The following CDKL4 variants were observed in gnomAD, a reference collection of about 807,000 sequenced individuals.
The protein encoded by CDKL4 is cyclin dependent kinase like 4, also known as cyclin-dependent kinase-like 4.
A neutral mutation model predicts 42.0 loss-of-function variants in CDKL4; 44 were observed. That is an observed-to-expected ratio of 1.05 (90% confidence interval 0.82 to 1.35). The LOEUF (loss-of-function observed/expected upper bound fraction) is 1.35. Ranked by LOEUF, CDKL4 falls within the 40% of genes most tolerant of loss-of-function variation. CDKL4 has a pLI of 0.00. For missense variants in CDKL4, 393 were observed against 369.9 expected, an observed-to-expected ratio of 1.06 and a Z score of -0.51; for synonymous variants, 120 against 121.6, an observed-to-expected ratio of 0.99 and a Z score of 0.09.
Position 39,180,096 on chromosome 2 carries a change from A to G in CDKL4, c.793-775T>C, listed in dbSNP as rs1008318261. ...GGACTTTGCCCATCAATAAACACAG[A>G]TTATGATCCATAAAGAGCAGCTTTA... On this transcript the variant is annotated intron_variant, in intron 8 of 9. Transcript: ENST00000451199. Among the ~76,000 whole-genome samples the G allele has an allele frequency of 6.6e-5, 10 of 152,134 alleles. No individual in the cohort carries two copies. The East Asian group carries it at 1.5e-3, about 23-fold the overall frequency.
intron 1 of CDKL4, among the ~76,000 whole-genome samples, chr2:39,232,133 G>A (rs980477115): frequency 1.3e-5 from 2 of 151,966 alleles, no homozygotes; most frequent in Non-Finnish European, 2.9e-5. Flanking sequence ...ATTCAGTAAC[G>A]ACTGATTCCT....
chr2:39,235,846 G>A (rs1679340657), intron 1 of CDKL4, among the ~76,000 whole-genome samples: 1 of 151,104 alleles, frequency 6.6e-6, no homozygotes, highest in South Asian at 2.1e-4. Flanking sequence ...AAAATTAGGA[G>A]ATAAAACTGG....
At chr2:39,190,277 C>A (rs1242012465) in intron 6 of CDKL4, 28 bp downstream of exon 6, 5 of 1,556,844 alleles carry the variant, frequency 3.2e-6, no homozygotes, top group Non-Finnish European at 4.4e-6. Flanking sequence ...AATTCAGCAA[C>A]TCTGTTGCCA....
chr2:39,177,766 T>A (rs1233484067), intron 9 of CDKL4, among the ~76,000 whole-genome samples: 1 of 150,804 alleles, frequency 6.6e-6, no homozygotes, highest in African/African-American at 2.4e-5. Context: ...CTCAGCTCAC[T>A]GCAACTCTGC....
intron 1 of CDKL4, among the ~76,000 whole-genome samples, chr2:39,234,561 A>T (rs1475544985): frequency 6.6e-6 from 1 of 152,226 alleles, no homozygotes; most frequent in Admixed American, 6.5e-5. Flanking sequence ...TAATAATCCA[A>T]TAAAATTTTC....
intron 5 of CDKL4, among the ~76,000 whole-genome samples, chr2:39,199,547 A>G (rs182810219): frequency 4.6e-5 from 7 of 152,238 alleles, no homozygotes; most frequent in African/African-American, 4.8e-5. Context: ...AAAGAAAACT[A>G]CAGACCAATG....
In CDKL4 at chr2:39,179,332, A is replaced by G. The variant is rs1003383869; in HGVS notation, c.793-11T>C. 5 of 1,581,104 alleles carry G rather than the reference A, an allele frequency of 3.2e-6. No individual in the cohort carries two copies. The highest frequency in any genetic ancestry group is 4.0e-5 in the Admixed American group (2 of 50,480). Reference sequence around the variant, plus strand: ...CATCTTCAGACACCCCTTTGGAGGAAGAGAATAGCAAAGAAGATGTTAAGG... The same window carrying G: ...CATCTTCAGACACCCCTTTGGAGGAGGAGAATAGCAAAGAAGATGTTAAGG... On this transcript the variant is annotated splice_polypyrimidine_tract_variant and intron_variant, in intron 8 of 9. Transcript: ENST00000451199.
chr2:39,174,853 T>C (rs372652951), downstream of CDKL4, among the ~76,000 whole-genome samples: 69 of 152,258 alleles, frequency 4.5e-4, 1 homozygote, highest in African/African-American at 1.6e-3. Context: ...GCACCTAATA[T>C]GGTGCTGCAA....
chr2:39,196,877 G>T (rs1408747156), intron 5 of CDKL4, among the ~76,000 whole-genome samples: 2 of 152,212 alleles, frequency 1.3e-5, no homozygotes, highest in African/African-American at 4.8e-5. Context: ...AAAGTGTTGG[G>T]ATTACAGGCG....
At chr2:39,184,691 G>GT in intron 7 of CDKL4, 44 bp from the exon 8 acceptor site, 1 of 1,320,468 alleles carries the variant, frequency 7.6e-7, no homozygotes, top group Non-Finnish European at 1.1e-6. Flanking sequence ...TAAGAACAAA[G>GT]TAATATGTGT....
intron 4 of CDKL4, among the ~76,000 whole-genome samples, chr2:39,209,121 T>C (rs1354101825): frequency 3.5e-5 from 5 of 144,844 alleles, no homozygotes; most frequent in East Asian, 2.0e-4. Context: ...GGCAACACAA[T>C]GAGACTATCT....
At chr2:39,194,293 C>CCAAAAATACAAAAATTAGCCCTAT (rs1676378425) in intron 5 of CDKL4, among the ~76,000 whole-genome samples, 1 of 152,028 alleles carries the variant, frequency 6.6e-6, no homozygotes, top group Non-Finnish European at 1.5e-5. Context: ...ACTGTGTCTA[C>CCAAAAATACAAAAATTAGCCCTAT]CAAAAATACA....
At chr2:39,191,906 G>A (rs1165358599) in intron 5 of CDKL4, among the ~76,000 whole-genome samples, 4 of 152,186 alleles carry the variant, frequency 2.6e-5, no homozygotes, top group Non-Finnish European at 4.4e-5. Flanking sequence ...ATGAGGTAAT[G>A]GGCAATTCTC....
chr2:39,185,341 T>TAC lies in CDKL4; in HGVS notation c.736-695_736-694insGT, dbSNP rs1675713157. On this transcript the variant is annotated intron_variant, in intron 7 of 9. Coordinates refer to ENST00000451199, the Ensembl canonical transcript of CDKL4. ...ACATATATATACACATATGTATATA[T>TAC]ATACACATATGTATATATACATATA... Among the ~76,000 whole-genome samples the TAC allele has an allele frequency of 4.3e-4, 41 of 94,894 alleles. 6 individuals are homozygous for TAC. The highest frequency in any genetic ancestry group is 1.2e-3 in the South Asian group (4 of 3,270). 62.3% of individuals were successfully genotyped at this position (94,894 alleles called of 152,430 possible).
At chr2:39,227,861 G>A (rs1458175329) in intron 2 of CDKL4, among the ~76,000 whole-genome samples, 1 of 152,152 alleles carries the variant, frequency 6.6e-6, no homozygotes, top group Non-Finnish European at 1.5e-5. Context: ...ACCTAGCCCA[G>A]GAAAACAGTA....
downstream of CDKL4, among the ~76,000 whole-genome samples, chr2:39,171,023 G>A (rs1335453550): frequency 6.6e-6 from 1 of 151,980 alleles, no homozygotes; most frequent in African/African-American, 2.4e-5. Context: ...TGGATCACTT[G>A]AGGTGAGGAG....
intron 1 of CDKL4, among the ~76,000 whole-genome samples, chr2:39,235,843 G>A (rs1679340507): frequency 6.6e-6 from 1 of 151,494 alleles, no homozygotes; most frequent in South Asian, 2.1e-4. Flanking sequence ...AAAAAAATTA[G>A]GAGATAAAAC....
At chr2:39,173,696 G>C (rs907333024), downstream of CDKL4, among the ~76,000 whole-genome samples, 6 of 151,944 alleles carry the variant, frequency 3.9e-5, no homozygotes, top group Admixed American at 3.9e-4. Context: ...TGTAGTCCCA[G>C]CTACTAGGGA....
At chr2:39,213,622 GC>G (rs1677722855) in intron 3 of CDKL4, 150 bp from the exon 4 acceptor site, 1 of 438,086 alleles carries the variant, frequency 2.3e-6, no homozygotes, top group African/African-American at 2.0e-5. Context: ...TGAAAATTGG[GC>G]TTTACTATCT....
Sources: allele counts gnomAD v4.1 joint callset (sites outside exome capture counted in the v4.1 genomes callset), GRCh38; gene constraint gnomAD v4.1.1; transcripts MANE v1.5; gene names NCBI Gene and HGNC (gene_info 2026-07-23, HGNC 2026-07-21).